CNTN6: variants seen among roughly 807,000 people sequenced by gnomAD.
CNTN6 encodes the protein contactin-6.
CNTN6 carries 137 observed loss-of-function variants against 122.8 expected under a neutral mutation model. That is an observed-to-expected ratio of 1.12 (90% CI 0.97 to 1.29). The LOEUF (loss-of-function observed/expected upper bound fraction) is 1.29, where lower values mean the gene tolerates loss of function less well. Among genes scored for constraint, CNTN6 ranks in the 50% most tolerant of loss-of-function variants. The pLI is 0.00. For missense variants in CNTN6, 1,634 were observed against 1,223.4 expected (o/e 1.34, Z -5.01); for synonymous variants, 570 against 426.0 (o/e 1.34, Z -4.16).
chr3:1,224,266 G>A lies in CNTN6; in HGVS notation c.182+3453G>A, dbSNP rs527765143. Among the ~76,000 whole-genome samples, 11 of 151,886 alleles carry A rather than the reference G, an allele frequency of 7.2e-5. 1 individual carries two copies. Among genetic ancestry groups the A allele is most frequent in the Admixed American group, 7.2e-4 (11 of 15,256 alleles). On this transcript the variant is annotated intron_variant, in intron 3 of 22. Coordinates refer to ENST00000446702, the MANE Select transcript of CNTN6 (RefSeq NM_001289080.2). Reference sequence around the variant, plus strand: ...TGGAGGTTACCAGAGGCTGAGTCAGGGAGGGGCAGGAAGGGAAAGGGGACA... The same window carrying A: ...TGGAGGTTACCAGAGGCTGAGTCAGAGAGGGGCAGGAAGGGAAAGGGGACA...
chr3:1,374,055 T>C lies in CNTN6; in HGVS notation c.2077T>C (p.Leu693=), dbSNP rs1709510373. The C allele has an allele frequency of 1.2e-6, 2 of 1,612,722 alleles. No individual in the cohort carries two copies. The highest frequency in any genetic ancestry group is 8.5e-7 in the Non-Finnish European group (1 of 1,178,994). ...AGAACCAAGTGAACCATCAGAATTG[T>C]TAAGAACTAAAGCATCAGGTAAAGA... ...IGEPSEPSEL[L]RTKASVPVVA... is the part of the protein sequence containing the mutation. Residue 693 remains leucine (L), a synonymous_variant, in exon 16 of 23, where the codon TTA becomes CTA. Transcript: ENST00000446702.
chr3:1,252,113 A>G (rs1356656806), intron 4 of CNTN6, among the ~76,000 whole-genome samples: 1 of 152,166 alleles, frequency 6.6e-6, no homozygotes, highest in Non-Finnish European at 1.5e-5. Context: ...CAAAGTCCTG[A>G]AGGTTTTGGC....
intron 12 of CNTN6, among the ~76,000 whole-genome samples, chr3:1,353,440 C>T (rs1056235314): frequency 1.3e-5 from 2 of 151,646 alleles, no homozygotes; most frequent in African/African-American, 4.8e-5. Context: ...TACATTATGA[C>T]GACAATTGTC....
In CNTN6 at chr3:1,355,265, G is replaced by A. The variant is rs75363740; in HGVS notation, c.1492+2814G>A. 4.4e-3 allele frequency among the ~76,000 whole-genome samples: 672 copies of A among 151,700 alleles called. 6 individuals carry two copies. The highest frequency in any genetic ancestry group is 0.015 in the African/African-American group (634 of 41,472). The stretch of plus-strand genomic sequence containing the variant: ...CATATAAATAAAATAAACACAAAAT[G>A]TGTGTACAGTATGAAGAAAAACAGC... On this transcript the variant is annotated intron_variant, in intron 12 of 22. Transcript: ENST00000446702.
At chr3:1,366,785 T>C (rs1291500424) in intron 12 of CNTN6, among the ~76,000 whole-genome samples, 2 of 152,004 alleles carry the variant, frequency 1.3e-5, no homozygotes, top group African/African-American at 4.8e-5. Flanking sequence ...CTGTGGTGGG[T>C]GGAGAGGATA....
chr3:1,264,372 A>G lies in CNTN6; in HGVS notation c.359-14041A>G, dbSNP rs539902545. On this transcript the variant is annotated intron_variant, in intron 4 of 22. Coordinates refer to ENST00000446702, the MANE Select transcript of CNTN6 (RefSeq NM_001289080.2). ...ATTTAAATTACTGTTATAGCAAATT[A>G]TAATGCAATGCAAGCAGTTCACCTC... 3.0e-4 allele frequency among the ~76,000 whole-genome samples: 46 copies of G among 152,302 alleles called. No individual in the cohort carries two copies. In the South Asian group the frequency reaches 9.3e-3, roughly 31 times the overall value.
intron 17 of CNTN6, among the ~76,000 whole-genome samples, chr3:1,379,727 G>A (rs1470557064): frequency 1.3e-5 from 2 of 152,054 alleles, no homozygotes; most frequent in Non-Finnish European, 2.9e-5. Context: ...CTGATATGCA[G>A]ATACTTGCAG....
intron 2 of CNTN6, among the ~76,000 whole-genome samples, chr3:1,198,898 A>G (rs2093818949): frequency 6.6e-6 from 1 of 152,152 alleles, no homozygotes; most frequent in Admixed American, 6.5e-5. Flanking sequence ...TAAAACCTGG[A>G]TTTTGACTGG....
At chr3:1,347,398 G>T (rs1340422001) in intron 11 of CNTN6, among the ~76,000 whole-genome samples, 1 of 152,078 alleles carries the variant, frequency 6.6e-6, no homozygotes, top group African/African-American at 2.4e-5. Context: ...TTCTAATTAA[G>T]TGGATATTAG....
At chr3:1,304,853 G>A (rs1431835674) in intron 7 of CNTN6, among the ~76,000 whole-genome samples, 1 of 151,802 alleles carries the variant, frequency 6.6e-6, no homozygotes, top group Non-Finnish European at 1.5e-5. Context: ...AATTAGCCGG[G>A]TGCAGTGGCA....
intron 11 of CNTN6, among the ~76,000 whole-genome samples, chr3:1,331,019 G>A (rs1431138202): frequency 6.6e-6 from 1 of 151,788 alleles, no homozygotes; most frequent in East Asian, 1.9e-4. Flanking sequence ...TGAATGAAGG[G>A]ACATCATTTT....
intron 1 of CNTN6, among the ~76,000 whole-genome samples, chr3:1,129,279 G>C (rs2092269979): frequency 6.6e-6 from 1 of 152,078 alleles, no homozygotes; most frequent in Non-Finnish European, 1.5e-5. Context: ...GTGCAAGTTA[G>C]AGGGCTCCAC....
chr3:1,395,836 C>T (rs1194580364), intron 20 of CNTN6, among the ~76,000 whole-genome samples: 3 of 152,130 alleles, frequency 2.0e-5, no homozygotes, highest in Non-Finnish European at 4.4e-5. Flanking sequence ...TTAATTATTA[C>T]AATAAGTCAA....
At chr3:1,338,885 T>C (rs1703480406) in intron 11 of CNTN6, among the ~76,000 whole-genome samples, 1 of 152,110 alleles carries the variant, frequency 6.6e-6, no homozygotes, top group Non-Finnish European at 1.5e-5. Context: ...GACAGATCTT[T>C]GTCACACCCA....
At chr3:1,101,055 A>G (rs2090867619) in intron 1 of CNTN6, among the ~76,000 whole-genome samples, 1 of 152,116 alleles carries the variant, frequency 6.6e-6, no homozygotes, top group African/African-American at 2.4e-5. Flanking sequence ...TCGCATTGCT[A>G]TTGATTCTAC....
chr3:1,383,650 A>G (rs1692287782), intron 19 of CNTN6, among the ~76,000 whole-genome samples: 1 of 146,078 alleles, frequency 6.8e-6, no homozygotes, highest in African/African-American at 2.5e-5. Flanking sequence ...AAAAAACAAA[A>G]ACAAAAACAA....
At chr3:1,318,808 C>T (rs1334074699) in intron 7 of CNTN6, among the ~76,000 whole-genome samples, 1 of 151,648 alleles carries the variant, frequency 6.6e-6, no homozygotes, top group Admixed American at 6.6e-5. Context: ...TTTCAGTTCT[C>T]TCTTTGTGAA....
intron 19 of CNTN6, 57 bp downstream of exon 19, chr3:1,383,465 C>A: frequency 1.6e-6 from 2 of 1,284,740 alleles, no homozygotes; most frequent in South Asian, 2.4e-5. Context: ...TTCGCAATAG[C>A]TCCTATTCAA....
At chr3:1,403,293 T>G in intron 22 of CNTN6, 25 bp from the exon 23 acceptor site, 4 of 1,480,170 alleles carry the variant, frequency 2.7e-6, no homozygotes, top group Non-Finnish European at 3.7e-6. Flanking sequence ...TCAAAATATT[T>G]TTGTCTTATT....
Sources: allele counts gnomAD v4.1 joint callset (sites outside exome capture counted in the v4.1 genomes callset), GRCh38; gene constraint gnomAD v4.1.1; transcripts MANE v1.5; gene names NCBI Gene and HGNC (gene_info 2026-07-23, HGNC 2026-07-21).